Variants in PTPRD observed in about 807,000 individuals in gnomAD.
The protein encoded by PTPRD is protein tyrosine phosphatase receptor type D, also known as receptor-type tyrosine-protein phosphatase delta.
PTPRD carries 34 observed loss-of-function variants against 214.5 expected under a neutral mutation model. The ratio of observed to expected loss-of-function variants is 0.16; its 90% CI spans 0.12 to 0.21. The LOEUF (loss-of-function observed/expected upper bound fraction) is 0.21, where lower values mean the gene tolerates loss of function less well. PTPRD is among the 10% of genes least tolerant of loss of function. The probability of loss-of-function intolerance (pLI) is 1.00; values close to 1 mark genes in which losing one functional copy is unlikely to be tolerated. For missense variants in PTPRD, 2,545 were observed against 2,398.7 expected, an observed-to-expected ratio of 1.06 and a Z score of -1.27; for synonymous variants, 1,128 against 845.7, an observed-to-expected ratio of 1.33 and a Z score of -5.79.
At chr9:9,440,523 C>A (rs773857126) in intron 8 of PTPRD, among the ~76,000 whole-genome samples, 2 of 152,176 alleles carry the variant, frequency 1.3e-5, no homozygotes, top group South Asian at 2.1e-4. Context: ...CAATACATAT[C>A]TCTTAGGCAG....
chr9:8,324,107 T>C (rs1831155641), intron 44 of PTPRD, among the ~76,000 whole-genome samples: 1 of 151,880 alleles, frequency 6.6e-6, no homozygotes. Context: ...TAGCATTTTT[T>C]TTTTTTTTTA....
intron 2 of PTPRD, among the ~76,000 whole-genome samples, chr9:10,421,756 T>A (rs560021646): frequency 2.0e-5 from 3 of 151,922 alleles, no homozygotes; most frequent in Admixed American, 6.6e-5. Context: ...TTCGTTTACT[T>A]TATTACTGTT....
chr9:8,332,448 C>G (rs1172361165), intron 43 of PTPRD, among the ~76,000 whole-genome samples: 1 of 152,068 alleles, frequency 6.6e-6, no homozygotes, highest in Non-Finnish European at 1.5e-5. Flanking sequence ...CGACTATTAG[C>G]AAACAAATGC....
At chr9:10,033,503 TTATATC>T (rs1052703095) in intron 4 of PTPRD, among the ~76,000 whole-genome samples, 11 of 151,968 alleles carry the variant, frequency 7.2e-5, no homozygotes, top group African/African-American at 2.2e-4. Flanking sequence ...AATTTTTGTT[TTATATC>T]TATAAGTTTT....
chr9:9,934,925 T>C (rs1390751818), intron 5 of PTPRD, among the ~76,000 whole-genome samples: 1 of 152,086 alleles, frequency 6.6e-6, no homozygotes, highest in Non-Finnish European at 1.5e-5. Context: ...GTTCAATATA[T>C]GCAAATCAAT....
intron 9 of PTPRD, among the ~76,000 whole-genome samples, chr9:9,228,161 C>T (rs2099960756): frequency 6.6e-6 from 1 of 152,042 alleles, no homozygotes; most frequent in Admixed American, 6.6e-5. Context: ...GTATCACTTG[C>T]TTATATTAAA....
rs576170051 is a variant in PTPRD at position 10,332,317 on chromosome 9, C to T, written c.-545+8646G>A. Among the ~76,000 whole-genome samples, 107 of 151,892 alleles carry T rather than the reference C, an allele frequency of 7.0e-4. 1 individual carries two copies. Among genetic ancestry groups the T allele is most frequent in the African/African-American group, 2.4e-3 (98 of 41,508 alleles). On this transcript the variant is annotated intron_variant, in intron 3 of 45. Transcript: ENST00000381196. ...AATATAAGAAGACTATGAAGAATTTCAACAGGGTTTCGAAGAGGAGAGCAA... is the reference window on the plus strand; with the variant it reads ...AATATAAGAAGACTATGAAGAATTTTAACAGGGTTTCGAAGAGGAGAGCAA...
chr9:9,864,687 T>G (rs2063551935), intron 5 of PTPRD, among the ~76,000 whole-genome samples: 1 of 152,036 alleles, frequency 6.6e-6, no homozygotes, highest in Non-Finnish European at 1.5e-5. Context: ...CCCAGCTAAT[T>G]TTTTAATTTT....
chr9:10,190,418 AAAC>A lies in PTPRD; in HGVS notation c.-545+150542_-545+150544del, dbSNP rs2099358454. On this transcript the variant is annotated intron_variant, in intron 3 of 45. Coordinates refer to ENST00000381196, the MANE Select transcript of PTPRD (RefSeq NM_002839.4). ...AAAAAAAAAAAAAAAAAAAAAAAAA[AAAC>A]AAAAAGTCAAAGTGGGCCAGGCGCT... 5.6e-4 allele frequency among the ~76,000 whole-genome samples: 47 copies of A among 84,574 alleles called. 1 individual carries two copies. The highest frequency in any genetic ancestry group is 3.0e-3 in the African/African-American group (36 of 11,880). The allele number at this position is 84,574 out of a possible 152,430, so 55.5% of individuals were successfully genotyped here. A position where few individuals can be genotyped will look rare whatever the true frequency, so the allele number is the denominator to read the frequency against.
At chr9:10,390,276 A>G (rs1209940626) in intron 2 of PTPRD, among the ~76,000 whole-genome samples, 1 of 151,826 alleles carries the variant, frequency 6.6e-6, no homozygotes, top group Admixed American at 6.6e-5. Context: ...ACTCTGCCAC[A>G]CCCTTTGCTT....
At chr9:8,430,935 C>T (rs1046210636) in intron 35 of PTPRD, among the ~76,000 whole-genome samples, 8 of 152,156 alleles carry the variant, frequency 5.3e-5, no homozygotes, top group Non-Finnish European at 1.0e-4. Context: ...ATATACTTGT[C>T]TTTGACAACT....
At chr9:9,341,136 A>T (rs573351361) in intron 9 of PTPRD, among the ~76,000 whole-genome samples, 1 of 152,214 alleles carries the variant, frequency 6.6e-6, no homozygotes, top group South Asian at 2.1e-4. Context: ...ATATATATAT[A>T]TATATCACAA....
intron 11 of PTPRD, among the ~76,000 whole-genome samples, chr9:9,001,128 A>G (rs2099416616): frequency 6.6e-6 from 1 of 152,006 alleles, no homozygotes; most frequent in South Asian, 2.1e-4. Context: ...TTACTAATGA[A>G]GCACTTTTGA....
At chr9:9,613,085 C>G (rs541763718) in intron 7 of PTPRD, among the ~76,000 whole-genome samples, 31 of 121,998 alleles carry the variant, frequency 2.5e-4, no homozygotes, top group African/African-American at 8.0e-4. Flanking sequence ...GCTGATGCTG[C>G]TGGTTCAGGG....
intron 2 of PTPRD, among the ~76,000 whole-genome samples, chr9:10,494,563 T>C (rs1220762399): frequency 6.6e-6 from 1 of 151,306 alleles, no homozygotes; most frequent in Non-Finnish European, 1.5e-5. Context: ...ATTATAATTT[T>C]TTTGTTTTGT....
chr9:9,154,286 G>C (rs1404562142), intron 10 of PTPRD, among the ~76,000 whole-genome samples: 1 of 152,180 alleles, frequency 6.6e-6, no homozygotes, highest in Non-Finnish European at 1.5e-5. Context: ...GTCTGTTTAG[G>C]TTGCCATAAC....
At chr9:9,915,691 A>T (rs11515430) in intron 5 of PTPRD, among the ~76,000 whole-genome samples, 6,960 of 152,036 alleles carry the variant, frequency 0.046, 306 homozygotes, top group African/African-American at 0.12. Flanking sequence ...CCAGGAAAAA[A>T]AAATAAATAA....
At chr9:8,953,956 A>T (rs1323294208) in intron 11 of PTPRD, among the ~76,000 whole-genome samples, 1 of 151,932 alleles carries the variant, frequency 6.6e-6, no homozygotes, top group Non-Finnish European at 1.5e-5. Flanking sequence ...AGAACTTAAA[A>T]CAGTGCTATA....
In PTPRD at chr9:8,484,189, T is replaced by G; in HGVS notation, c.3343A>C (p.Ile1115Leu). The change falls in exon 30 of 46, where the codon ATT (isoleucine) becomes CTT (leucine). Residue 1115 changes from isoleucine (I) to leucine (L), a missense_variant. Coordinates refer to ENST00000381196, the MANE Select transcript of PTPRD (RefSeq NM_002839.4). ...PDVLRTKPAF[I>L]GKTNLDGMIT... The stretch of plus-strand genomic sequence containing the variant: ...ATGCCATCCAAGTTGGTCTTCCCAA[T>G]GAAGGCAGGCTTGGTACGTAATACA... The G allele has an allele frequency of 6.2e-7, 1 of 1,614,234 alleles. No individual in the cohort carries two copies. Among genetic ancestry groups the G allele is most frequent in the Non-Finnish European group, 8.5e-7 (1 of 1,180,038 alleles).
Sources: gnomAD v4.1 joint callset for allele counts (sites outside exome capture counted in the v4.1 genomes callset) on GRCh38, gnomAD v4.1.1 for gene constraint, MANE v1.5 for transcripts, NCBI Gene and HGNC (gene_info 2026-07-23, HGNC 2026-07-21) for gene names.